RGS3: variants seen among roughly 807,000 people sequenced by gnomAD.
RGS3 encodes regulator of G protein signaling 3, also known as regulator of G-protein signalling 3.
A neutral mutation model predicts 132.6 loss-of-function variants in RGS3; 80 were observed. The ratio of observed to expected loss-of-function variants is 0.60; its 90% CI spans 0.50 to 0.73. The LOEUF (loss-of-function observed/expected upper bound fraction) is 0.73, where lower values mean the gene tolerates loss of function less well. RGS3 is among the 30% of genes least tolerant of loss of function. RGS3 has a pLI of 0.00. For missense variants in RGS3, 1,382 were observed against 1,530.8 expected (o/e 0.90, Z 1.62); for synonymous variants, 598 against 620.6 (o/e 0.96, Z 0.54).
intron 1 of RGS3, among the ~76,000 whole-genome samples, chr9:113,453,858 T>C (rs1829310702): frequency 6.6e-6 from 1 of 151,640 alleles, no homozygotes; most frequent in Non-Finnish European, 1.5e-5. Flanking sequence ...TTTATTTTTA[T>C]TTTTAAACAG....
intron 19 of RGS3, among the ~76,000 whole-genome samples, chr9:113,544,639 A>G (rs1413020369): frequency 6.6e-6 from 1 of 152,194 alleles, no homozygotes; most frequent in Non-Finnish European, 1.5e-5. Flanking sequence ...TAAACTTTGG[A>G]GATGGCAACT....
chr9:113,499,335 C>G (rs1830792557), intron 10 of RGS3, among the ~76,000 whole-genome samples: 1 of 151,284 alleles, frequency 6.6e-6, no homozygotes. Context: ...GCAGCTGTTA[C>G]TTCCGCATCT....
At chr9:113,587,318 C>G (rs1296230468) in intron 20 of RGS3, among the ~76,000 whole-genome samples, 4 of 152,130 alleles carry the variant, frequency 2.6e-5, no homozygotes, top group African/African-American at 9.7e-5. Context: ...CTGGGAGGGT[C>G]CCCTGATGCT....
At chr9:113,485,549 T>C (rs1830304759) in intron 6 of RGS3, 76 bp from the exon 5 acceptor site, 9 of 1,157,030 alleles carry the variant, frequency 7.8e-6, no homozygotes, top group African/African-American at 3.1e-5. Context: ...TTTGGAATTA[T>C]GACTGACTCT....
chr9:113,516,765 C>T (rs1007624007), intron 15 of RGS3, among the ~76,000 whole-genome samples: 9 of 152,150 alleles, frequency 5.9e-5, no homozygotes, highest in African/African-American at 2.2e-4. Context: ...GGTATGATCA[C>T]AGCTCACTGT....
chr9:113,583,570 C>A (rs771156230), exon 20 of RGS3: 47 of 1,614,066 alleles, frequency 2.9e-5, no homozygotes, highest in Non-Finnish European at 4.0e-5. Flanking sequence ...TCCTCCAGGA[C>A]AAGACCTTCC....
intron 20 of RGS3, among the ~76,000 whole-genome samples, chr9:113,584,966 C>G (rs1157916105): frequency 6.6e-6 from 1 of 152,234 alleles, no homozygotes; most frequent in Non-Finnish European, 1.5e-5. Flanking sequence ...CACAGTGTAT[C>G]AGTGTCTGAA....
chr9:113,594,078 T>C (rs1835599755), intron 21 of RGS3: 1 of 1,612,948 alleles, frequency 6.2e-7, no homozygotes, highest in Admixed American at 1.7e-5. Flanking sequence ...TCCCTCCCAT[T>C]TCCTGGCTCC....
At chr9:113,501,708 G>T in intron 10 of RGS3, 10 of 1,397,442 alleles carry the variant, frequency 7.2e-6, no homozygotes, top group African/African-American at 5.7e-5. Context: ...GAAGGATCTC[G>T]CTCCTCACAA....
intron 19 of RGS3, among the ~76,000 whole-genome samples, chr9:113,568,605 C>G (rs907834013): frequency 6.6e-6 from 1 of 152,246 alleles, no homozygotes; most frequent in Non-Finnish European, 1.5e-5. Context: ...GCCTGTTCCC[C>G]AGGCGCCTCT....
rs1011006117 is a variant in RGS3, at chr9:113,594,425, C to T, written c.3081-5C>T. ...AGCAACCCTCTTTTCTGCTTCTGTCCCCAGAGCCAAGGACATGAAGAACAA... is the reference window on the plus strand; with the variant it reads ...AGCAACCCTCTTTTCTGCTTCTGTCTCCAGAGCCAAGGACATGAAGAACAA... On this transcript the variant is annotated splice_polypyrimidine_tract_variant and splice_region_variant and intron_variant, in intron 21 of 24. Transcript: ENST00000350696. 6.2e-7 allele frequency: 1 copy of T among 1,613,394 alleles called. No homozygotes were observed. The highest frequency in any genetic ancestry group is 1.7e-5 in the Admixed American group (1 of 59,986).
chr9:113,595,019 T>C, intron 23 of RGS3, 39 bp downstream of exon 21: 1 of 1,593,032 alleles, frequency 6.3e-7, no homozygotes, highest in Non-Finnish European at 8.6e-7. Flanking sequence ...GTGCCCTCTC[T>C]CCCTCTCCCC....
chr9:113,518,551 T>TA (rs1229130855), intron 16 of RGS3, among the ~76,000 whole-genome samples: 1 of 152,220 alleles, frequency 6.6e-6, no homozygotes, highest in African/African-American at 2.4e-5. Context: ...ACACTATGTG[T>TA]GACTGTGGCT....
chr9:113,596,082 C>T (rs1191771496), intron 24 of RGS3, among the ~76,000 whole-genome samples: 1 of 152,260 alleles, frequency 6.6e-6, no homozygotes, highest in Admixed American at 6.5e-5. Flanking sequence ...TGCCTGTAAT[C>T]CCAGCACTTT....
chr9:113,566,623 T>C (rs889187129), intron 19 of RGS3, among the ~76,000 whole-genome samples: 5 of 152,232 alleles, frequency 3.3e-5, no homozygotes, highest in African/African-American at 1.2e-4. Flanking sequence ...TGGGAAACCA[T>C]TTCCCTGACC....
intron 3 of RGS3, among the ~76,000 whole-genome samples, chr9:113,469,615 A>G (rs1177049473): frequency 1.3e-5 from 2 of 152,134 alleles, no homozygotes; most frequent in African/African-American, 4.8e-5. Flanking sequence ...AAACCTTTGT[A>G]ACTTTCACCA....
At position 113,565,872 on chromosome 9, in the gene RGS3, G is replaced by GCT. The variant is rs1401278408; in HGVS notation, c.2038-17575_2038-17574dup. On this transcript the variant is annotated intron_variant, in intron 19 of 24. Coordinates refer to ENST00000350696, the Ensembl canonical transcript of RGS3. This position sits in a 1 kb window ranked among gnomAD's most constrained non-coding sequence, Gnocchi z 5.7. ...ACCATTTGTGCTCTGTTCTGAGATA[G>GCT]CTCTGTGTGTGTGTGTGTGTGTGTG... is the stretch of plus-strand genomic sequence containing the variant. 6.6e-6 allele frequency: 1 copy of GCT among 150,450 alleles called. No homozygotes were observed. 9.3% of individuals were successfully genotyped at this position (150,450 alleles called of 1,614,324 possible). A position where few individuals can be genotyped will look rare whatever the true frequency, so the allele number is the denominator to read the frequency against.
Position 113,565,553 on chromosome 9 carries a change from A to C in RGS3, c.2038-17897A>C. ...CCTGGGGAACTTGGGTAAGTCCATAAATAGCTCTGCTGACACAAAGGAGCT... is the reference window on the plus strand; with the variant it reads ...CCTGGGGAACTTGGGTAAGTCCATACATAGCTCTGCTGACACAAAGGAGCT... On this transcript the variant is annotated intron_variant, in intron 19 of 24. Transcript: ENST00000350696. The surrounding 1 kb of genome is among the most constrained non-coding windows in gnomAD (Gnocchi z 5.7). 8.5e-6 allele frequency: 3 copies of C among 350,886 alleles called. No homozygotes were observed. Among genetic ancestry groups the C allele is most frequent in the South Asian group, 7.2e-5 (3 of 41,922 alleles). 21.7% of individuals were successfully genotyped at this position (350,886 alleles called of 1,614,324 possible).
At chr9:113,479,296 T>G in intron 3 of RGS3, 195 bp from the exon 2 acceptor site, 1 of 643,118 alleles carries the variant, frequency 1.6e-6, no homozygotes, top group Admixed American at 2.6e-5. Flanking sequence ...GCTGGAGGCA[T>G]TCGAAAGGGA....
Sources: allele counts gnomAD v4.1 joint callset (sites outside exome capture counted in the v4.1 genomes callset), GRCh38; gene constraint gnomAD v4.1.1; non-coding constraint Gnocchi (gnomAD v3.1); transcripts MANE v1.5; gene names NCBI Gene and HGNC (gene_info 2026-07-23, HGNC 2026-07-21).